STAU2: variants seen among roughly 807,000 people sequenced by gnomAD.
STAU2 encodes double-stranded RNA-binding protein Staufen homolog 2.
Under a neutral mutation model 65.9 loss-of-function variants are expected in STAU2, and 20 were observed. That is an observed-to-expected ratio of 0.30 (90% CI 0.21 to 0.44). STAU2 has a LOEUF of 0.44. Among genes scored for constraint, STAU2 ranks in the 20% least tolerant of loss-of-function variants. STAU2 has a pLI of 1.00. For synonymous variants in STAU2, 232 were observed against 233.9 expected (o/e 0.99, Z 0.07); for missense variants, 558 against 683.9 (o/e 0.82, Z 2.05).
chr8:73,486,718 T>C (rs901855646), intron 13 of STAU2, among the ~76,000 whole-genome samples: 3 of 151,048 alleles, frequency 2.0e-5, no homozygotes, highest in Non-Finnish European at 3.0e-5. Flanking sequence ...TAGTGGCATA[T>C]TATGGCTCAC....
intron 6 of STAU2, among the ~76,000 whole-genome samples, chr8:73,625,672 T>C (rs2129969725): frequency 6.6e-6 from 1 of 152,340 alleles, no homozygotes; most frequent in African/African-American, 2.4e-5. Context: ...GCACAATGAA[T>C]TGTATACTTT....
intron 13 of STAU2, among the ~76,000 whole-genome samples, chr8:73,436,563 C>CA: frequency 1.1e-5 from 1 of 89,584 alleles, no homozygotes; most frequent in African/African-American, 4.9e-5. Flanking sequence ...AGTATTTTGC[C>CA]AATTTTTTAT....
At chr8:73,687,356 T>TTTATATTTATAA (rs1243776186) in intron 5 of STAU2, among the ~76,000 whole-genome samples, 1 of 17,360 alleles carries the variant, frequency 5.8e-5, no homozygotes, top group Non-Finnish European at 1.1e-4. Flanking sequence ...ATAATTTATA[T>TTTATATTTATAA]AATATAAATA....
rs553618620 is a variant in STAU2, at chr8:73,568,439, C to T, written c.1222+14331G>A. 5.3e-5 allele frequency among the ~76,000 whole-genome samples: 8 copies of T among 152,036 alleles called. No individual in the cohort carries two copies. In the South Asian group the frequency reaches 6.2e-4, roughly 12 times the overall value. On this transcript the variant is annotated intron_variant, in intron 12 of 14. Transcript: ENST00000524300. Reference sequence around the variant, plus strand: ...AACTCCACAAGACCTTGTCTCTAGTCGGGGGAGTGGGGGCAAAGCTGGGTG... The same window carrying T: ...AACTCCACAAGACCTTGTCTCTAGTTGGGGGAGTGGGGGCAAAGCTGGGTG...
intron 6 of STAU2, among the ~76,000 whole-genome samples, chr8:73,635,157 G>A (rs1029162178): frequency 6.6e-6 from 1 of 152,170 alleles, no homozygotes; most frequent in Non-Finnish European, 1.5e-5. Context: ...CACACAGTGG[G>A]ATACTAAACC....
chr8:73,465,441 T>C (rs894515209), intron 13 of STAU2, among the ~76,000 whole-genome samples: 3 of 152,248 alleles, frequency 2.0e-5, no homozygotes, highest in Non-Finnish European at 4.4e-5. Context: ...TCTTTGTTAG[T>C]AGAGGTATTA....
chr8:73,431,602 G>C (rs554872563), intron 13 of STAU2, among the ~76,000 whole-genome samples: 1 of 152,334 alleles, frequency 6.6e-6, no homozygotes, highest in Admixed American at 6.5e-5. Context: ...TTTTACAACT[G>C]TTTTGTGAGT....
intron 4 of STAU2, among the ~76,000 whole-genome samples, chr8:73,690,225 A>G (rs1819231275): frequency 6.7e-6 from 1 of 148,342 alleles, no homozygotes. Flanking sequence ...GCTACTCGGG[A>G]GGCTGAGGCA....
At chr8:73,635,774 G>A (rs375148406) in intron 6 of STAU2, among the ~76,000 whole-genome samples, 4 of 151,682 alleles carry the variant, frequency 2.6e-5, no homozygotes, top group East Asian at 1.9e-4. Context: ...GCAGTGAGCC[G>A]AGACCGCGCC....
intron 13 of STAU2, among the ~76,000 whole-genome samples, chr8:73,541,818 C>T (rs1278787638): frequency 1.3e-5 from 2 of 151,958 alleles, no homozygotes; most frequent in Non-Finnish European, 1.5e-5. Context: ...TATAGGGGCT[C>T]AAGAGCAAAC....
chr8:73,425,090 C>T (rs1163068550), intron 13 of STAU2, among the ~76,000 whole-genome samples: 1 of 152,092 alleles, frequency 6.6e-6, no homozygotes, highest in Non-Finnish European at 1.5e-5. Context: ...AGCTGTGTGG[C>T]CATCTCCCTG....
intron 13 of STAU2, among the ~76,000 whole-genome samples, chr8:73,459,927 C>T (rs1457494907): frequency 6.6e-6 from 1 of 152,214 alleles, no homozygotes; most frequent in Admixed American, 6.5e-5. Context: ...CCTCCTGCGT[C>T]CCCAGCCCCA....
intron 3 of STAU2, among the ~76,000 whole-genome samples, chr8:73,730,128 T>C (rs910935537): frequency 6.6e-5 from 10 of 152,194 alleles, no homozygotes; most frequent in African/African-American, 2.2e-4. Context: ...TTTGAGGCCT[T>C]TCTTATTCTT....
chr8:73,556,627 G>A (rs1193298287), intron 12 of STAU2, among the ~76,000 whole-genome samples: 1 of 152,138 alleles, frequency 6.6e-6, no homozygotes, highest in Admixed American at 6.5e-5. Context: ...CGTAGTGGCA[G>A]GCGCCTGAAA....
chr8:73,617,832 G>A (rs893354204), intron 6 of STAU2, among the ~76,000 whole-genome samples: 3 of 152,160 alleles, frequency 2.0e-5, no homozygotes, highest in African/African-American at 7.2e-5. Context: ...GTAGATTACC[G>A]TGCTTTTTGC....
chr8:73,534,341 T>C (rs117536533), intron 13 of STAU2, among the ~76,000 whole-genome samples: 4,339 of 152,272 alleles, frequency 0.028, 94 homozygotes, highest in Middle Eastern at 0.082. Flanking sequence ...TAAGACAAAA[T>C]AGCATGTTCT....
intron 3 of STAU2, among the ~76,000 whole-genome samples, chr8:73,714,221 T>G (rs1008294937): frequency 6.6e-6 from 1 of 152,130 alleles, no homozygotes; most frequent in Non-Finnish European, 1.5e-5. Flanking sequence ...AGTTTCTATG[T>G]CTCTTTACTG....
intron 12 of STAU2, among the ~76,000 whole-genome samples, chr8:73,554,420 A>C (rs532838740): frequency 6.0e-4 from 92 of 152,340 alleles, no homozygotes; most frequent in African/African-American, 2.1e-3. Flanking sequence ...GACAGAAGCC[A>C]GTCCTCTGGG....
intron 6 of STAU2, among the ~76,000 whole-genome samples, chr8:73,636,314 T>C (rs754730009): frequency 3.3e-5 from 5 of 151,108 alleles, no homozygotes; most frequent in Non-Finnish European, 7.4e-5. Flanking sequence ...GAGGTGGAGG[T>C]TGCAGTGAGC....
Sources: allele counts gnomAD v4.1 joint callset (sites outside exome capture counted in the v4.1 genomes callset), GRCh38; gene constraint gnomAD v4.1.1; transcripts MANE v1.5; gene names NCBI Gene and HGNC (gene_info 2026-07-23, HGNC 2026-07-21).